ARHGEF11: variants seen among roughly 807,000 people sequenced by gnomAD.
The protein encoded by ARHGEF11 is Rho guanine exchange factor (GEF) 11.
ARHGEF11 carries 55 observed loss-of-function variants against 193.7 expected under a neutral mutation model. The ratio of observed to expected loss-of-function variants is 0.28; its 90% CI spans 0.23 to 0.36. The LOEUF (loss-of-function observed/expected upper bound fraction) is 0.36, where lower values mean the gene tolerates loss of function less well. Ranked by LOEUF, ARHGEF11 falls within the 10% of genes least tolerant of loss-of-function variation. ARHGEF11 has a pLI of 1.00. For synonymous variants in ARHGEF11, 693 were observed against 768.0 expected (o/e 0.90, Z 1.62); for missense variants, 1,723 against 2,005.6 (o/e 0.86, Z 2.69).
intron 1 of ARHGEF11, among the ~76,000 whole-genome samples, chr1:157,014,846 T>C (rs1297469072): frequency 6.6e-6 from 1 of 152,218 alleles, no homozygotes; most frequent in African/African-American, 2.4e-5. Flanking sequence ...CTTGCTACTT[T>C]ATCCTACCCT....
rs187478259 is a variant in ARHGEF11, at chr1:156,954,827, A to G, written c.1798+65T>C. ...ATGATGAGAAAGAAACAGAAAAGAC[A>G]AGATTTGGGAGATGGAAACTCAATG... On this transcript the variant is annotated intron_variant, in intron 21 of 40. Coordinates refer to ENST00000368194, the MANE Select transcript of ARHGEF11 (RefSeq NM_198236.3). The G allele has an allele frequency of 3.0e-6, 4 of 1,345,174 alleles. No homozygotes were observed. In the Admixed American group the frequency reaches 5.6e-5, roughly 19 times the overall value. 83.3% of individuals were successfully genotyped at this position (1,345,174 alleles called of 1,614,324 possible). A position where few individuals can be genotyped will look rare whatever the true frequency, so the allele number is the denominator to read the frequency against.
chr1:156,936,190 C>A (rs1655066712), intron 40 of ARHGEF11, 132 bp from the exon 41 acceptor site: 1 of 967,710 alleles, frequency 1.0e-6, no homozygotes, highest in East Asian at 2.4e-5. Flanking sequence ...ACCCCAGTTT[C>A]TCGTAGGGCT....
chr1:156,959,258 G>GAAA, intron 15 of ARHGEF11, 116 bp from the exon 16 acceptor site: 2 of 821,006 alleles, frequency 2.4e-6, no homozygotes, highest in Non-Finnish European at 4.0e-6. Flanking sequence ...AGGAAGGGCT[G>GAAA]GCTTTCTGCC....
At chr1:157,009,209 T>C (rs559535228) in intron 1 of ARHGEF11, among the ~76,000 whole-genome samples, 3 of 152,224 alleles carry the variant, frequency 2.0e-5, no homozygotes, top group African/African-American at 4.8e-5. Context: ...TTCACCTCTA[T>C]GAAAAGTCTG....
intron 40 of ARHGEF11, 144 bp downstream of exon 40, chr1:156,936,672 C>G: frequency 1.0e-6 from 1 of 1,000,902 alleles, no homozygotes; most frequent in Non-Finnish European, 1.5e-6. Flanking sequence ...AGATCCCTCT[C>G]TGAAGCTGAG....
At position 156,939,356 on chromosome 1, in the gene ARHGEF11, A is replaced by C. The variant is rs545085497; in HGVS notation, c.4096+192T>G. 24 of 719,852 alleles carry C rather than the reference A, an allele frequency of 3.3e-5. No individual in the cohort carries two copies. The African/African-American group carries it at 3.9e-4, about 12-fold the overall frequency. The allele number at this position is 719,852 out of a possible 1,614,324, so 44.6% of individuals were successfully genotyped here. ...ACACAGATATTAAGTGGCAGAGCTA[A>C]GCTCTGAATCTCGAATGTCCAACTC... On this transcript the variant is annotated intron_variant, in intron 37 of 40. Coordinates refer to ENST00000368194, the MANE Select transcript of ARHGEF11 (RefSeq NM_198236.3).
At chr1:156,969,952 T>A in intron 9 of ARHGEF11, 46 bp downstream of exon 9, 2 of 1,602,818 alleles carry the variant, frequency 1.2e-6, no homozygotes, top group Non-Finnish European at 1.7e-6. Flanking sequence ...GTAAGAAACC[T>A]GGACTAGAGA....
intron 1 of ARHGEF11, among the ~76,000 whole-genome samples, chr1:157,026,113 G>T (rs1033759913): frequency 1.3e-5 from 2 of 152,202 alleles, no homozygotes; most frequent in African/African-American, 4.8e-5. Flanking sequence ...CCCTGATGAC[G>T]TAAGTATCAT....
intron 33 of ARHGEF11, 95 bp from the exon 34 acceptor site, chr1:156,942,084 C>T (rs986868105): frequency 1.3e-5 from 21 of 1,580,378 alleles, no homozygotes; most frequent in Non-Finnish European, 1.8e-5. Flanking sequence ...GCTTCCAGGC[C>T]CTAAGAACCC....
At chr1:157,040,494 A>G (rs1458125896) in intron 1 of ARHGEF11, among the ~76,000 whole-genome samples, 1 of 152,222 alleles carries the variant, frequency 6.6e-6, no homozygotes, top group Non-Finnish European at 1.5e-5. Context: ...CCCCATCACT[A>G]ACAGACATTT....
intron 21 of ARHGEF11, 132 bp from the exon 22 acceptor site, chr1:156,951,831 C>T: frequency 8.4e-7 from 1 of 1,196,872 alleles, no homozygotes; most frequent in Non-Finnish European, 1.2e-6. Context: ...GACCAAGAGT[C>T]AGGAGATGTG....
At chr1:157,004,558 C>T (rs1341724821) in intron 1 of ARHGEF11, among the ~76,000 whole-genome samples, 1 of 152,192 alleles carries the variant, frequency 6.6e-6, no homozygotes, top group East Asian at 1.9e-4. Context: ...CTCACCAAAA[C>T]CCCATCTGAA....
chr1:156,976,977 C>T lies in ARHGEF11; in HGVS notation c.582+6G>A, dbSNP rs1297676845. On this transcript the variant is annotated splice_donor_region_variant and intron_variant, in intron 7 of 40. Transcript: ENST00000368194. ...ATGGCCAGTCTACCCTTGGCAGTGA[C>T]CTTACCTGTAATTCTTTTTCTTCCT... is the stretch of plus-strand genomic sequence containing the variant. 1 of 1,613,734 alleles carries T rather than the reference C, an allele frequency of 6.2e-7. No homozygotes were observed. Among genetic ancestry groups the T allele is most frequent in the Admixed American group, 1.7e-5 (1 of 60,014 alleles).
At chr1:157,046,076 G>C (rs551972398), upstream of ARHGEF11, among the ~76,000 whole-genome samples, 357 of 150,256 alleles carry the variant, frequency 2.4e-3, 6 homozygotes, top group Admixed American at 0.017. Flanking sequence ...ACAACCCTTT[G>C]CCGTCGCTCC....
rs60592654 is a variant in ARHGEF11, at chr1:156,996,859, A to ATTTT, written c.33-10690_33-10687dup. Among the ~76,000 whole-genome samples the ATTTT allele has an allele frequency of 4.4e-3, 416 of 93,848 alleles. 13 individuals are homozygous for ATTTT. Among genetic ancestry groups the ATTTT allele is most frequent in the East Asian group, 0.022 (59 of 2,682 alleles). 61.6% of individuals were successfully genotyped at this position (93,848 alleles called of 152,430 possible). On this transcript the variant is annotated intron_variant, in intron 1 of 40. Transcript: ENST00000368194. ...GCTGAGCTTAGGAACCTCTCTCTCT[A>ATTTT]TTTTTTTTTTTTTTTTTTTTGAGAC...
At position 157,044,421 on chromosome 1, in the gene ARHGEF11, G is replaced by A; in HGVS notation, c.-91C>T. 2.4e-6 allele frequency: 3 copies of A among 1,246,030 alleles called. No individual in the cohort carries two copies. The highest frequency in any genetic ancestry group is 3.5e-6 in the Non-Finnish European group (3 of 848,242). The allele number at this position is 1,246,030 out of a possible 1,614,324, so 77.2% of individuals were successfully genotyped here. ...CTTGCAATTTTTGAGCAAGGTGAGA[G>A]GAGGGCCTCCCAACTTGAAGATAGA... On this transcript the variant is annotated 5_prime_UTR_variant, in exon 1 of 41. Coordinates refer to ENST00000368194, the MANE Select transcript of ARHGEF11 (RefSeq NM_198236.3).
chr1:156,942,586 CTGCTTT>C (rs1657247211), intron 33 of ARHGEF11, 98 bp downstream of exon 33: 21 of 1,014,448 alleles, frequency 2.1e-5, no homozygotes, highest in Non-Finnish European at 3.0e-5. Flanking sequence ...TGTCCAGGGA[CTGCTTT>C]GGGGCCCAAA....
intron 29 of ARHGEF11, chr1:156,945,505 C>A: frequency 2.7e-6 from 1 of 366,628 alleles, no homozygotes; most frequent in Non-Finnish European, 5.0e-6. Context: ...ACAATTATGC[C>A]TCTAGAAAGC....
At chr1:157,007,913 G>GTTTTTTTTTTTTTTTTTTTT (rs10580966) in intron 1 of ARHGEF11, among the ~76,000 whole-genome samples, 1 of 118,846 alleles carries the variant, frequency 8.4e-6, no homozygotes. Flanking sequence ...TTTTTTTTTT[G>GTTTTTTTTTTTTTTTTTTTT]TTTTTTTTTT....
Sources: allele counts gnomAD v4.1 joint callset (sites outside exome capture counted in the v4.1 genomes callset), GRCh38; gene constraint gnomAD v4.1.1; transcripts MANE v1.5; gene names NCBI Gene and HGNC (gene_info 2026-07-23, HGNC 2026-07-21).